CFAP43: variants seen among roughly 807,000 people sequenced by gnomAD.
CFAP43 encodes the protein cilia and flagella associated protein 43, also known as cilia- and flagella-associated protein 43.
Under a neutral mutation model 218.9 loss-of-function variants are expected in CFAP43, and 155 were observed. That is an observed-to-expected ratio of 0.71 (90% CI 0.62 to 0.81). The LOEUF is 0.81. Among genes scored for constraint, CFAP43 ranks in the 30% least tolerant of loss-of-function variants. CFAP43 has a pLI of 0.00. For synonymous variants in CFAP43, 645 were observed against 681.3 expected, an observed-to-expected ratio of 0.95 and a Z score of 0.83; for missense variants, 1,778 against 1,954.3, an observed-to-expected ratio of 0.91 and a Z score of 1.70.
rs917063515 is a variant in CFAP43 at position 104,184,880 on chromosome 10, T to G, written c.2141+136A>C. The G allele has an allele frequency of 3.5e-5, 48 of 1,368,670 alleles. No individual in the cohort carries two copies. The African/African-American group carries it at 6.5e-4, about 18-fold the overall frequency. The allele number at this position is 1,368,670 out of a possible 1,614,324, so 84.8% of individuals were successfully genotyped here. ...AATGCAGTGTACGCTTCTCTTGGGA[T>G]CTGTGAGTATAACAAACTTTCTTTG... is the stretch of plus-strand genomic sequence containing the variant. On this transcript the variant is annotated intron_variant, in intron 16 of 37. Coordinates refer to ENST00000357060, the MANE Select transcript of CFAP43 (RefSeq NM_025145.7).
intron 5 of CFAP43, among the ~76,000 whole-genome samples, chr10:104,209,958 C>T (rs909543976): frequency 6.6e-6 from 1 of 152,036 alleles, no homozygotes; most frequent in Non-Finnish European, 1.5e-5. Flanking sequence ...ACATACATCC[C>T]CCTGTAAATT....
In CFAP43 at chr10:104,131,349, CTT is replaced by C. The variant is rs755987203; in HGVS notation, c.4811_4812del (p.Lys1604ArgfsTer4). ...REELVAVSERKDICNAMGSKL... is the reference protein window; with the variant it reads ...REELVAVSERXDICNAMGSKL... Reference sequence around the variant, plus strand: ...TGCTTACCCATTGCATTACAGATGTCTTTTCTCTCTGAGACAGCTACCAACTC... The same window carrying C: ...TGCTTACCCATTGCATTACAGATGTCTTCTCTCTGAGACAGCTACCAACTC... On this transcript the variant is annotated frameshift_variant, in exon 37 of 38. Coordinates refer to ENST00000357060, the MANE Select transcript of CFAP43 (RefSeq NM_025145.7). LOFTEE classifies it high-confidence loss of function. 2 of 1,611,258 alleles carry C rather than the reference CTT, an allele frequency of 1.2e-6. No individual in the cohort carries two copies. Among genetic ancestry groups the C allele is most frequent in the South Asian group, 2.2e-5 (2 of 90,126 alleles).
intron 24 of CFAP43, among the ~76,000 whole-genome samples, chr10:104,162,882 A>C (rs887676517): frequency 1.3e-5 from 2 of 152,090 alleles, no homozygotes; most frequent in Non-Finnish European, 2.9e-5. Flanking sequence ...AGCCACTGCA[A>C]GGGGTGAGGC....
chr10:104,178,366 A>G (rs1341180421), intron 19 of CFAP43, among the ~76,000 whole-genome samples: 1 of 152,242 alleles, frequency 6.6e-6, no homozygotes, highest in Admixed American at 6.5e-5. Flanking sequence ...CTTACCCAAA[A>G]CAAAGGCAAC....
At position 104,160,288 on chromosome 10, in the gene CFAP43, C is replaced by T. The variant is rs375745866; in HGVS notation, c.3540+749G>A. Among the ~76,000 whole-genome samples, 6 of 152,068 alleles carry T rather than the reference C, an allele frequency of 3.9e-5. No individual in the cohort carries two copies. The East Asian group carries it at 9.6e-4, about 24-fold the overall frequency. On this transcript the variant is annotated intron_variant, in intron 27 of 37. Transcript: ENST00000357060. ...ACTGATTTTGGCTTTGAGTAAGAAC[C>T]ATTTTAGGTTAAAATACAAGGGACC...
Position 104,225,533 on chromosome 10 carries a change from A to G in CFAP43, c.344T>C (p.Leu115Ser), listed in dbSNP as rs768877575. 6.2e-7 allele frequency: 1 copy of G among 1,612,672 alleles called. No individual in the cohort carries two copies. Among genetic ancestry groups the G allele is most frequent in the Non-Finnish European group, 8.5e-7 (1 of 1,179,148 alleles). ...LKGNILLDYT[L>S]LSFSYCGTYL... ...GGTGCCACAGTAACTGAATGAAAGT[A>G]AAGTGTAGTCCAGGAGAATGTTGCC... The change falls in exon 3 of 38, where the codon TTA becomes TCA. Residue 115 changes from leucine to serine, a missense_variant. By Grantham distance (145) the Leu-to-Ser change is moderately radical (BLOSUM62 -2). Coordinates refer to ENST00000357060, the MANE Select transcript of CFAP43 (RefSeq NM_025145.7).
intron 32 of CFAP43, 71 bp from the exon 33 acceptor site, chr10:104,142,464 C>A: frequency 8.5e-7 from 1 of 1,178,298 alleles, no homozygotes; most frequent in Non-Finnish European, 1.2e-6. Context: ...CATCTTTTAA[C>A]TTTTTAAATT....
intron 33 of CFAP43, among the ~76,000 whole-genome samples, chr10:104,141,404 G>T (rs1451578007): frequency 6.6e-6 from 1 of 152,146 alleles, no homozygotes; most frequent in Non-Finnish European, 1.5e-5. Context: ...CTGAGGTCAG[G>T]AGTTCGAGAC....
intron 32 of CFAP43, 68 bp from the exon 33 acceptor site, chr10:104,142,461 T>A: frequency 8.3e-7 from 1 of 1,202,434 alleles, no homozygotes; most frequent in Non-Finnish European, 1.2e-6. Flanking sequence ...ATACATCTTT[T>A]AACTTTTTAA....
chr10:104,176,248 A>ATAGT (rs778140656), intron 19 of CFAP43, among the ~76,000 whole-genome samples: 6 of 152,250 alleles, frequency 3.9e-5, no homozygotes, highest in Non-Finnish European at 7.3e-5. Context: ...CAGAGAAAGG[A>ATAGT]TAGTATATTA....
chr10:104,167,362 A>G (rs2089206802), intron 22 of CFAP43, among the ~76,000 whole-genome samples: 1 of 152,230 alleles, frequency 6.6e-6, no homozygotes, highest in South Asian at 2.1e-4. Flanking sequence ...ATAAGAGCAG[A>G]ACACCAAATC....
chr10:104,143,508 C>T lies in CFAP43; in HGVS notation c.4076G>A (p.Ser1359Asn), dbSNP rs1259935008. ...MKAMDELDNI[S>N]NMPEGLDPLV... ...AGGGTCCAAGCCTTCTGGCATGTTA[C>T]TAATATTGTCCAACTCATCCATAGC... Residue 1359 changes from serine (S) to asparagine (N), a missense_variant, in exon 32 of 38, where the codon AGT (serine) becomes AAT (asparagine). Physicochemically the swap from Ser to Asn is conservative, Grantham distance 46. Transcript: ENST00000357060. 5 of 1,614,086 alleles carry T rather than the reference C, an allele frequency of 3.1e-6. No homozygotes were observed. Among genetic ancestry groups the T allele is most frequent in the Non-Finnish European group, 4.2e-6 (5 of 1,180,038 alleles).
At chr10:104,207,154 C>T (rs1340801551) in intron 6 of CFAP43, among the ~76,000 whole-genome samples, 3 of 150,424 alleles carry the variant, frequency 2.0e-5, no homozygotes, top group African/African-American at 7.3e-5. Flanking sequence ...GCCTGGGTGA[C>T]AGAATGAGAC....
intron 17 of CFAP43, among the ~76,000 whole-genome samples, chr10:104,182,017 G>A (rs901869706): frequency 6.6e-6 from 1 of 152,160 alleles, no homozygotes; most frequent in Non-Finnish European, 1.5e-5. Flanking sequence ...AATTGAATGA[G>A]TGAATACTGT....
At chr10:104,175,238 T>G (rs1460128081) in intron 19 of CFAP43, among the ~76,000 whole-genome samples, 1 of 151,960 alleles carries the variant, frequency 6.6e-6, no homozygotes, top group East Asian at 1.9e-4. Context: ...AGCCTGGGCA[T>G]CATAGGGAGA....
intron 19 of CFAP43, among the ~76,000 whole-genome samples, chr10:104,177,590 C>G (rs958807612): frequency 2.6e-5 from 4 of 152,186 alleles, no homozygotes; most frequent in African/African-American, 9.7e-5. Context: ...TGCATTGCTA[C>G]TGTCCATAAA....
At chr10:104,178,919 C>T (rs2089722989) in intron 19 of CFAP43, 110 bp downstream of exon 19, 2 of 689,128 alleles carry the variant, frequency 2.9e-6, no homozygotes, top group Non-Finnish European at 4.6e-6. Context: ...ACTGAGCTTA[C>T]AAGCAGAGAA....
At position 104,227,835 on chromosome 10, in the gene CFAP43, C is replaced by CTTT. The variant is rs776193577; in HGVS notation, c.320-2281_320-2279dup. Among the ~76,000 whole-genome samples, 45 of 58,372 alleles carry CTTT rather than the reference C, an allele frequency of 7.7e-4. 1 individual carries two copies. Among genetic ancestry groups the CTTT allele is most frequent in the East Asian group, 1.0e-3 (2 of 1,954 alleles). 38.3% of individuals were successfully genotyped at this position (58,372 alleles called of 152,430 possible). The stretch of plus-strand genomic sequence containing the variant: ...CTCCTCTATTCTACCATGTTTTCTA[C>CTTT]TTTTTTTTTTTTTTTTTTTTTTTTT... On this transcript the variant is annotated intron_variant, in intron 2 of 37. Transcript: ENST00000357060.
intron 27 of CFAP43, among the ~76,000 whole-genome samples, chr10:104,159,821 T>C (rs760900041): frequency 2.6e-5 from 4 of 152,102 alleles, no homozygotes; most frequent in Non-Finnish European, 5.9e-5. Context: ...CAATAGCCTA[T>C]TTGGAGTGCA....
Sources: gnomAD v4.1 joint callset for allele counts (sites outside exome capture counted in the v4.1 genomes callset) on GRCh38, gnomAD v4.1.1 for gene constraint, MANE v1.5 for transcripts, NCBI Gene and HGNC (gene_info 2026-07-23, HGNC 2026-07-21) for gene names.